Variants in ANK3 observed in about 807,000 individuals in gnomAD.
ANK3 encodes ankyrin-3.
In ANK3, 57 loss-of-function variants were observed where a neutral mutation model predicts 370.9. That is an observed-to-expected ratio of 0.15 (90% confidence interval 0.12 to 0.19). ANK3 has a LOEUF of 0.19. Among genes scored for constraint, ANK3 ranks in the 10% least tolerant of loss-of-function variants. The pLI is 1.00. For missense variants in ANK3, 4,439 were observed against 5,302.1 expected (o/e 0.84, Z 5.06); for synonymous variants, 1,929 against 1,946.3 (o/e 0.99, Z 0.23).
chr10:60,641,817 G>A (rs1325290509), intron 1 of ANK3, among the ~76,000 whole-genome samples: 6 of 151,998 alleles, frequency 3.9e-5, no homozygotes, highest in Admixed American at 6.5e-5. Context: ...TGCCCAGCAA[G>A]AGAAACTACC....
intron 38 of ANK3, among the ~76,000 whole-genome samples, chr10:60,065,876 C>A (rs1218296151): frequency 2.6e-5 from 4 of 152,114 alleles, no homozygotes. Flanking sequence ...TCATAAGGTA[C>A]ATCTATTGGA....
chr10:60,092,903 T>G (rs2088979603), intron 28 of ANK3, among the ~76,000 whole-genome samples: 1 of 152,148 alleles, frequency 6.6e-6, no homozygotes, highest in South Asian at 2.1e-4. Context: ...GCCCAGCTAA[T>G]TTTTGTATTT....
chr10:60,557,393 T>A (rs1315171095), intron 2 of ANK3, among the ~76,000 whole-genome samples: 1 of 152,092 alleles, frequency 6.6e-6, no homozygotes, highest in African/African-American at 2.4e-5. Context: ...AAAAGGACAA[T>A]ATTGTATGAC....
chr10:60,162,988 A>G (rs188391097), intron 23 of ANK3, among the ~76,000 whole-genome samples: 75 of 152,266 alleles, frequency 4.9e-4, no homozygotes, highest in African/African-American at 1.7e-3. Context: ...GGCAGTTGCA[A>G]TTTAAGATCA....
intron 2 of ANK3, among the ~76,000 whole-genome samples, chr10:60,497,270 AGAGT>A (rs2075682891): frequency 6.6e-6 from 1 of 152,184 alleles, no homozygotes; most frequent in East Asian, 1.9e-4. Context: ...CCTAGGTGAC[AGAGT>A]GAGACCCTGT....
At chr10:60,058,708 A>T (rs941439174) in intron 41 of ANK3, among the ~76,000 whole-genome samples, 12 of 152,292 alleles carry the variant, frequency 7.9e-5, no homozygotes, top group Admixed American at 5.9e-4. Context: ...AGTTAGGAAA[A>T]AAACAGTAAT....
intron 2 of ANK3, among the ~76,000 whole-genome samples, chr10:60,541,118 A>G (rs1447606137): frequency 6.6e-6 from 1 of 151,964 alleles, no homozygotes; most frequent in African/African-American, 2.4e-5. Flanking sequence ...AATGGAAAAA[A>G]AGGAAACCTT....
At chr10:60,601,834 C>T (rs1397187624) in intron 2 of ANK3, among the ~76,000 whole-genome samples, 1 of 152,112 alleles carries the variant, frequency 6.6e-6, no homozygotes, top group Non-Finnish European at 1.5e-5. Context: ...ACTGCTTTTA[C>T]AACTTTTCAG....
At chr10:60,563,364 C>T (rs1161426154) in intron 2 of ANK3, among the ~76,000 whole-genome samples, 3 of 152,182 alleles carry the variant, frequency 2.0e-5, no homozygotes, top group African/African-American at 7.2e-5. Flanking sequence ...GCTAACCTTA[C>T]TGGCTCCCAG....
At chr10:60,262,956 C>A (rs2097828985) in intron 6 of ANK3, among the ~76,000 whole-genome samples, 1 of 152,156 alleles carries the variant, frequency 6.6e-6, no homozygotes, top group African/African-American at 2.4e-5. Flanking sequence ...CTACTGCTAT[C>A]TTATCTGGCA....
intron 1 of ANK3, among the ~76,000 whole-genome samples, chr10:60,695,054 T>G (rs1338649309): frequency 3.6e-4 from 52 of 146,176 alleles, no homozygotes; most frequent in Middle Eastern, 3.6e-3. Context: ...TGGAGGAAGA[T>G]CTACCAAGCA....
chr10:60,396,489 A>T (rs1028760743), intron 2 of ANK3, among the ~76,000 whole-genome samples: 1 of 152,350 alleles, frequency 6.6e-6, no homozygotes, highest in East Asian at 1.9e-4. Flanking sequence ...GGTAACACTT[A>T]TCTCTTAAAC....
At chr10:60,665,904 A>G (rs1295675321) in intron 1 of ANK3, among the ~76,000 whole-genome samples, 2 of 152,248 alleles carry the variant, frequency 1.3e-5, no homozygotes, top group Non-Finnish European at 2.9e-5. Context: ...AAATAAACAC[A>G]AATTAACAAG....
At chr10:60,140,350 A>C (rs771962541) in intron 23 of ANK3, 2 of 1,613,760 alleles carry the variant, frequency 1.2e-6, no homozygotes, top group East Asian at 2.2e-5. Context: ...CAAAGATCTT[A>C]CTCTGCGGTA....
At chr10:60,221,878 T>A (rs1449220710) in intron 8 of ANK3, among the ~76,000 whole-genome samples, 4 of 152,234 alleles carry the variant, frequency 2.6e-5, no homozygotes. Context: ...ACATGTGGCA[T>A]CTAAAGACTC....
intron 1 of ANK3, among the ~76,000 whole-genome samples, chr10:60,291,400 T>C (rs1026238778): frequency 6.6e-6 from 1 of 152,152 alleles, no homozygotes; most frequent in Non-Finnish European, 1.5e-5. Flanking sequence ...CTATTTTGAC[T>C]CAAAACTTTC....
chr10:60,639,642 T>A (rs1056254949), intron 1 of ANK3, among the ~76,000 whole-genome samples: 4 of 151,878 alleles, frequency 2.6e-5, no homozygotes, highest in African/African-American at 9.7e-5. Context: ...AATTTGAATA[T>A]ATAATGATAT....
At chr10:60,575,213 A>C (rs2077668500) in intron 2 of ANK3, among the ~76,000 whole-genome samples, 2 of 152,214 alleles carry the variant, frequency 1.3e-5, no homozygotes, top group African/African-American at 4.8e-5. Context: ...ATTGGCAGGA[A>C]ATGAATCAAC....
At position 60,610,957 on chromosome 10, in the gene ANK3, A is replaced by G. The variant is rs541236163; in HGVS notation, c.96+4229T>C. On this transcript the variant is annotated intron_variant, in intron 2 of 43. Coordinates refer to the ANK3 transcript ENST00000373827. ...TTTCGGTCTGCCAAACCAGAATTCT[A>G]AGCTAGTGGGCTCGAAGCTGGTGTC... is the stretch of plus-strand genomic sequence containing the variant. 9.2e-5 allele frequency among the ~76,000 whole-genome samples: 14 copies of G among 152,320 alleles called. 1 individual carries two copies. Among genetic ancestry groups the G allele is most frequent in the African/African-American group, 3.1e-4 (13 of 41,574 alleles).
Sources: gnomAD v4.1 joint callset for allele counts (sites outside exome capture counted in the v4.1 genomes callset) on GRCh38, gnomAD v4.1.1 for gene constraint, MANE v1.5 for transcripts, NCBI Gene and HGNC (gene_info 2026-07-23, HGNC 2026-07-21) for gene names.